KLHL18: variants seen among roughly 807,000 people sequenced by gnomAD.
KLHL18 encodes the protein kelch like family member 18.
KLHL18 carries 38 observed loss-of-function variants against 58.5 expected under a neutral mutation model. The ratio of observed to expected loss-of-function variants is 0.65; its 90% CI spans 0.50 to 0.85. The LOEUF is 0.85. Ranked by LOEUF, KLHL18 falls within the 40% of genes least tolerant of loss-of-function variation. The pLI is 0.00. For missense variants in KLHL18, 624 were observed against 778.4 expected, an observed-to-expected ratio of 0.80 and a Z score of 2.36; for synonymous variants, 303 against 301.9, an observed-to-expected ratio of 1.00 and a Z score of -0.04.
chr3:47,309,454 C>T (rs528628438), intron 1 of KLHL18, among the ~76,000 whole-genome samples: 6 of 151,182 alleles, frequency 4.0e-5, no homozygotes, highest in South Asian at 2.1e-4. Flanking sequence ...ACATCCCAGA[C>T]GGGGCGGCAG....
At chr3:47,330,232 CAA>C in intron 4 of KLHL18, 83 bp downstream of exon 4, 1 of 1,290,180 alleles carries the variant, frequency 7.8e-7, no homozygotes, top group Non-Finnish European at 1.1e-6. Context: ...TATTTTTTTA[CAA>C]AGTTAAGATC....
chr3:47,343,579 G>A lies in KLHL18; in HGVS notation c.1363G>A (p.Ala455Thr). Residue 455 changes from alanine (A) to threonine (T), a missense_variant, in exon 10 of 10, where the codon GCC (alanine) becomes ACC (threonine). Ala to Thr is a moderately conservative substitution (Grantham distance 58, BLOSUM62 0). Transcript: ENST00000232766. Reference protein sequence around the residue: ...SSVEHYNHHTATWHPAAGMLN... With the variant: ...SSVEHYNHHTTTWHPAAGMLN... ...GGTGGAACACTACAACCACCACACA[G>A]CCACCTGGCACCCTGCAGCTGGCAT... 2 of 1,613,772 alleles carry A rather than the reference G, an allele frequency of 1.2e-6. No homozygotes were observed. The highest frequency in any genetic ancestry group is 1.7e-6 in the Non-Finnish European group (2 of 1,180,048).
At chr3:47,300,106 C>A (rs1702983498) in intron 1 of KLHL18, among the ~76,000 whole-genome samples, 1 of 150,706 alleles carries the variant, frequency 6.6e-6, no homozygotes, top group African/African-American at 2.4e-5. Context: ...TTCTCCATTC[C>A]CTTCTTCCCT....
At position 47,334,716 on chromosome 3, in the gene KLHL18, C is replaced by T; in HGVS notation, c.795C>T (p.Leu265=). The T allele has an allele frequency of 1.2e-6, 2 of 1,614,180 alleles. No homozygotes were observed. Among genetic ancestry groups the T allele is most frequent in the Non-Finnish European group, 1.7e-6 (2 of 1,180,030 alleles). ...TAGACGAAGCAAAGGACTACCACCT[C>T]ATGCCAGAGCGCCGGCCCCACCTGC... ...DLVDEAKDYH[L]MPERRPHLPA... Residue 265 remains leucine, a synonymous_variant, in exon 6 of 10, where the codon CTC becomes CTT. Transcript: ENST00000232766. This position sits in a 1 kb window ranked among gnomAD's most constrained non-coding sequence, Gnocchi z 4.7.
In KLHL18 at chr3:47,340,610, T is replaced by A. The variant is rs1468129070; in HGVS notation, c.1160T>A (p.Val387Asp). Residue 387 changes from valine (V) to aspartate (D), a missense_variant, in exon 8 of 10, where the codon GTC (valine) becomes GAC (aspartate). Transcript: ENST00000232766. ...GTCGTGCTGGATGGGCAGATCTACG[T>A]CTGTGGGGGCTACGATGGCAACTCT... is the stretch of plus-strand genomic sequence containing the variant. ...GTVVLDGQIY[V>D]CGGYDGNSSL... 2 of 1,613,976 alleles carry A rather than the reference T, an allele frequency of 1.2e-6. No homozygotes were observed. Among genetic ancestry groups the A allele is most frequent in the Non-Finnish European group, 1.7e-6 (2 of 1,179,976 alleles).
At chr3:47,301,421 G>C (rs769504179) in intron 1 of KLHL18, among the ~76,000 whole-genome samples, 1 of 152,052 alleles carries the variant, frequency 6.6e-6, no homozygotes, top group African/African-American at 2.4e-5. Context: ...ATAGGTTGAA[G>C]TTCTTTTTTT....
At chr3:47,330,443 GC>G (rs930423150) in intron 4 of KLHL18, among the ~76,000 whole-genome samples, 2 of 152,004 alleles carry the variant, frequency 1.3e-5, no homozygotes, top group African/African-American at 4.8e-5. Flanking sequence ...GGAACTACAG[GC>G]ACATACCACC....
At chr3:47,292,040 C>T (rs765327512) in intron 1 of KLHL18, among the ~76,000 whole-genome samples, 48 of 152,252 alleles carry the variant, frequency 3.2e-4, no homozygotes, top group Middle Eastern at 3.4e-3. Context: ...CCTGATGGCT[C>T]TTACGTTCCA....
At chr3:47,284,455 C>T (rs563908964) in intron 1 of KLHL18, among the ~76,000 whole-genome samples, 1 of 151,232 alleles carries the variant, frequency 6.6e-6, no homozygotes, top group Admixed American at 6.6e-5. Context: ...CCTGCCTCAG[C>T]CTCCCCAGCA....
intron 1 of KLHL18, among the ~76,000 whole-genome samples, chr3:47,291,604 CTT>C (rs1407634706): frequency 3.9e-5 from 6 of 152,218 alleles, no homozygotes; most frequent in African/African-American, 1.4e-4. Context: ...TCCAGTGAAA[CTT>C]TACAAAAGAA....
At chr3:47,336,976 C>CTTGG in intron 7 of KLHL18, 1 of 559,784 alleles carries the variant, frequency 1.8e-6, no homozygotes, top group Non-Finnish European at 3.2e-6. Flanking sequence ...GGAGACCAGG[C>CTTGG]ATGGACATGT....
At chr3:47,339,946 G>T (rs1412483773) in intron 7 of KLHL18, among the ~76,000 whole-genome samples, 1 of 152,160 alleles carries the variant, frequency 6.6e-6, no homozygotes, top group African/African-American at 2.4e-5. Context: ...TACTTGGGAG[G>T]CTGAAGTGCA....
intron 1 of KLHL18, among the ~76,000 whole-genome samples, chr3:47,290,067 A>G (rs879753899): frequency 1.3e-5 from 2 of 152,212 alleles, no homozygotes; most frequent in Non-Finnish European, 2.9e-5. Context: ...TGAGGCTTAG[A>G]GCTATTAAGG....
At chr3:47,305,122 G>A (rs1043876842) in intron 1 of KLHL18, among the ~76,000 whole-genome samples, 4 of 151,814 alleles carry the variant, frequency 2.6e-5, no homozygotes, top group African/African-American at 7.3e-5. Flanking sequence ...ATTTCATTTT[G>A]TTGCCTTACT....
intron 7 of KLHL18, chr3:47,338,834 A>G (rs1471424631): frequency 6.6e-6 from 1 of 152,230 alleles, no homozygotes; most frequent in Non-Finnish European, 1.5e-5. Context: ...AAAAAAAGAA[A>G]AGGTAGCATT....
At chr3:47,329,889 A>G in intron 3 of KLHL18, 62 bp from the exon 4 acceptor site, 8 of 1,443,784 alleles carry the variant, frequency 5.5e-6, no homozygotes, top group Non-Finnish European at 3.9e-6. Context: ...AACCAGCCTG[A>G]GAATGATCAA....
In KLHL18 at chr3:47,283,095, G is replaced by A; in HGVS notation, c.129+1G>A. 6.3e-7 allele frequency: 1 copy of A among 1,575,672 alleles called. No homozygotes were observed. Among genetic ancestry groups the A allele is most frequent in the South Asian group, 1.2e-5 (1 of 86,398 alleles). On this transcript the variant is annotated splice_donor_variant, in intron 1 of 9. Transcript: ENST00000232766. LOFTEE classifies it high-confidence loss of function. ...CAAGCTGTGCGACGTGACCCTCAAG[G>A]TACCGCGGACTGGGCGGCAGCGGGC...
rs776081139 is a variant in KLHL18 at position 47,336,723 on chromosome 3, TG to T, written c.1089del (p.Trp363Ter). On this transcript the variant is annotated frameshift_variant, in exon 7 of 10. Coordinates refer to ENST00000232766, the MANE Select transcript of KLHL18 (RefSeq NM_025010.5). LOFTEE classifies it high-confidence loss of function. ...VEAYNPETDTWTRVGSMNSKR... is the reference protein window; with the variant it reads ...VEAYNPETDTXTRVGSMNSKR... ...GGCCTACAACCCGGAGACAGACACA[TG>T]GACCAGAGTGGGGAGCATGAATAGC... 3 of 1,614,022 alleles carry T rather than the reference TG, an allele frequency of 1.9e-6. No homozygotes were observed. Among genetic ancestry groups the T allele is most frequent in the Admixed American group, 1.7e-5 (1 of 59,994 alleles).
chr3:47,310,011 T>G (rs11710121), intron 1 of KLHL18, among the ~76,000 whole-genome samples: 45,785 of 148,122 alleles, frequency 0.31, 7,591 homozygotes, highest in Middle Eastern at 0.41. Flanking sequence ...AGGGGGAGGT[T>G]AACTGTTCTT....
Sources: gnomAD v4.1 joint callset for allele counts (sites outside exome capture counted in the v4.1 genomes callset) on GRCh38, gnomAD v4.1.1 for gene constraint, Gnocchi (gnomAD v3.1) non-coding constraint, MANE v1.5 for transcripts, NCBI Gene and HGNC (gene_info 2026-07-23, HGNC 2026-07-21) for gene names.